SLC23A2: variants seen among roughly 807,000 people sequenced by gnomAD.
The protein encoded by SLC23A2 is solute carrier family 23 member 2.
SLC23A2 carries 36 observed loss-of-function variants against 73.3 expected under a neutral mutation model. That is an observed-to-expected ratio of 0.49 (90% confidence interval 0.38 to 0.65). The LOEUF is 0.65. SLC23A2 is among the 30% of genes least tolerant of loss of function. The pLI, the probability that SLC23A2 is intolerant of heterozygous loss-of-function variation, is 0.00. For missense variants in SLC23A2, 507 were observed against 841.6 expected (o/e 0.60, Z 4.92); for synonymous variants, 343 against 327.3 (o/e 1.05, Z -0.52).
At chr20:4,916,859 A>G (rs1043843961) in intron 3 of SLC23A2, among the ~76,000 whole-genome samples, 1 of 152,194 alleles carries the variant, frequency 6.6e-6, no homozygotes, top group Non-Finnish European at 1.5e-5. Context: ...CTTTTGCCTA[A>G]CTACAGGCTA....
intron 1 of SLC23A2, among the ~76,000 whole-genome samples, chr20:4,994,567 G>A (rs1394057878): frequency 1.3e-5 from 2 of 152,010 alleles, no homozygotes; most frequent in Non-Finnish European, 2.9e-5. Context: ...GGTGGATCAC[G>A]AGGTCAGGAG....
chr20:4,910,299 C>G (rs894826688), intron 4 of SLC23A2, among the ~76,000 whole-genome samples: 11 of 151,618 alleles, frequency 7.3e-5, no homozygotes, highest in African/African-American at 2.7e-4. Context: ...ATCGCTTGAA[C>G]CAGGGAGGCA....
Position 4,983,374 on chromosome 20 carries a change from C to T in SLC23A2, c.-281-12455G>A, listed in dbSNP as rs564533586. ...GCAAAAGACACAAGCAGGCTGGGCG[C>T]AGTGGCTCACGCCTGTAATCCCAGC... On this transcript the variant is annotated intron_variant, in intron 1 of 16. Transcript: ENST00000338244. 1.4e-3 allele frequency among the ~76,000 whole-genome samples: 217 copies of T among 151,916 alleles called. 1 individual carries two copies. Among genetic ancestry groups the T allele is most frequent in the Admixed American group, 3.9e-3 (59 of 15,250 alleles).
At chr20:4,950,007 G>A (rs1191421116) in intron 2 of SLC23A2, among the ~76,000 whole-genome samples, 1 of 152,146 alleles carries the variant, frequency 6.6e-6, no homozygotes, top group Non-Finnish European at 1.5e-5. Context: ...CACACAGGCT[G>A]GCCAAAATTG....
At chr20:4,991,918 T>C (rs1178829279) in intron 1 of SLC23A2, among the ~76,000 whole-genome samples, 1 of 152,040 alleles carries the variant, frequency 6.6e-6, no homozygotes, top group African/African-American at 2.4e-5. Context: ...TTTGACAGCC[T>C]GGCCAACATG....
chr20:4,982,074 A>C (rs1489956535), intron 1 of SLC23A2, among the ~76,000 whole-genome samples: 1 of 151,656 alleles, frequency 6.6e-6, no homozygotes, highest in Non-Finnish European at 1.5e-5. Flanking sequence ...GGCTCAATGC[A>C]ACCTCCACCT....
intron 2 of SLC23A2, among the ~76,000 whole-genome samples, chr20:4,969,331 C>T (rs751056249): frequency 2.0e-5 from 3 of 151,996 alleles, no homozygotes; most frequent in African/African-American, 4.8e-5. Context: ...TCAGGTGATC[C>T]GCCCGCCTCA....
intron 2 of SLC23A2, among the ~76,000 whole-genome samples, chr20:4,968,291 G>A (rs2087506754): frequency 6.6e-6 from 1 of 152,172 alleles, no homozygotes; most frequent in Non-Finnish European, 1.5e-5. Flanking sequence ...GAGGTCCAGA[G>A]GTAGGTGGCA....
intron 2 of SLC23A2, among the ~76,000 whole-genome samples, chr20:4,966,458 G>A (rs1600182438): frequency 1.3e-5 from 2 of 152,216 alleles, no homozygotes; most frequent in Non-Finnish European, 2.9e-5. Context: ...CATCTTAAAC[G>A]TGTTGGTCCA....
intron 1 of SLC23A2, among the ~76,000 whole-genome samples, chr20:4,975,327 A>C (rs936921455): frequency 1.3e-5 from 2 of 152,190 alleles, no homozygotes; most frequent in African/African-American, 4.8e-5. Context: ...TAAGAAAAAA[A>C]GAAAAAGAAA....
Position 4,899,483 on chromosome 20 carries a change from C to T in SLC23A2, c.482+72G>A, listed in dbSNP as rs1006475791. 4.5e-5 allele frequency: 68 copies of T among 1,501,422 alleles called. No individual in the cohort carries two copies. The highest frequency in any genetic ancestry group is 4.3e-4 in the East Asian group (19 of 44,042). The allele number at this position is 1,501,422 out of a possible 1,614,324, so 93.0% of individuals were successfully genotyped here. A position where few individuals can be genotyped will look rare whatever the true frequency, so the allele number is the denominator to read the frequency against. ...CTTGCCAACAGCCCTAGGCAAACGGCGCAGCTCAATGCCTTCTGCGCTCAA... is the reference window on the plus strand; with the variant it reads ...CTTGCCAACAGCCCTAGGCAAACGGTGCAGCTCAATGCCTTCTGCGCTCAA... On this transcript the variant is annotated intron_variant, in intron 6 of 16. Coordinates refer to ENST00000338244, the MANE Select transcript of SLC23A2 (RefSeq NM_005116.6). This position sits in a 1 kb window ranked among gnomAD's most constrained non-coding sequence, Gnocchi z 4.9.
chr20:4,944,114 C>T (rs2087082535), intron 2 of SLC23A2, among the ~76,000 whole-genome samples: 1 of 152,148 alleles, frequency 6.6e-6, no homozygotes, highest in African/African-American at 2.4e-5. Context: ...TAAACACTAT[C>T]GCAATAAAAT....
At position 4,854,761 on chromosome 20, in the gene SLC23A2, T is replaced by C. The variant is rs1226424344; in HGVS notation, c.*2211A>G. 1 of 152,114 alleles carries C rather than the reference T, an allele frequency of 6.6e-6. No homozygotes were observed. Among genetic ancestry groups the C allele is most frequent in the Non-Finnish European group, 1.5e-5 (1 of 68,008 alleles). The allele number at this position is 152,114 out of a possible 1,614,324, so 9.4% of individuals were successfully genotyped here. On this transcript the variant is annotated 3_prime_UTR_variant, in exon 17 of 17. Coordinates refer to ENST00000338244, the MANE Select transcript of SLC23A2 (RefSeq NM_005116.6). ...ATGACTAGAGCAGACACCTTGAGTGTTATGCAGCGGAAGACGCCCAGTCAA... is the reference window on the plus strand; with the variant it reads ...ATGACTAGAGCAGACACCTTGAGTGCTATGCAGCGGAAGACGCCCAGTCAA...
chr20:4,960,892 C>T (rs143517354), intron 2 of SLC23A2, among the ~76,000 whole-genome samples: 1 of 152,216 alleles, frequency 6.6e-6, no homozygotes, highest in East Asian at 1.9e-4. Flanking sequence ...CTTTAGTTTT[C>T]TTTATATTTG....
intron 1 of SLC23A2, among the ~76,000 whole-genome samples, chr20:4,997,554 T>C (rs1359872726): frequency 6.6e-6 from 1 of 152,180 alleles, no homozygotes; most frequent in Non-Finnish European, 1.5e-5. Flanking sequence ...ACAATGTGGC[T>C]GTATTTAGAG....
chr20:4,886,186 C>T (rs1013728402), intron 6 of SLC23A2, among the ~76,000 whole-genome samples: 3 of 152,256 alleles, frequency 2.0e-5, no homozygotes, highest in Non-Finnish European at 2.9e-5. Flanking sequence ...CCCCTGCCAT[C>T]ACCACCTTTC....
chr20:4,910,249 C>T (rs749913968), intron 4 of SLC23A2, among the ~76,000 whole-genome samples: 14 of 152,092 alleles, frequency 9.2e-5, no homozygotes, highest in Admixed American at 2.6e-4. Flanking sequence ...TGATGGCGTG[C>T]GCCTCTGGTC....
intron 4 of SLC23A2, among the ~76,000 whole-genome samples, chr20:4,904,686 A>G (rs1285271804): frequency 1.3e-5 from 2 of 152,268 alleles, no homozygotes; most frequent in African/African-American, 4.8e-5. Flanking sequence ...GTAACATGAC[A>G]AAGTATTTCA....
chr20:4,931,068 GAAAAAAAAAAAAA>G (rs758041566), intron 3 of SLC23A2, among the ~76,000 whole-genome samples: 37 of 75,060 alleles, frequency 4.9e-4, no homozygotes, highest in East Asian at 9.3e-4. Flanking sequence ...ATTTTTTTAA[GAAAAAAAAAAAAA>G]AAAAAAAAAA....
Sources: gnomAD v4.1 joint callset for allele counts (sites outside exome capture counted in the v4.1 genomes callset) on GRCh38, gnomAD v4.1.1 for gene constraint, Gnocchi (gnomAD v3.1) non-coding constraint, MANE v1.5 for transcripts, NCBI Gene and HGNC (gene_info 2026-07-23, HGNC 2026-07-21) for gene names.